LHX9: variants seen among roughly 807,000 people sequenced by gnomAD.
LHX9 encodes the protein LIM homeobox 9.
LHX9 carries 9 observed loss-of-function variants against 36.5 expected under a neutral mutation model. The ratio of observed to expected loss-of-function variants is 0.25; its 90% CI spans 0.15 to 0.43. The LOEUF (loss-of-function observed/expected upper bound fraction) is 0.43, where lower values mean the gene tolerates loss of function less well. Ranked by LOEUF, LHX9 falls within the 20% of genes least tolerant of loss-of-function variation. The pLI is 1.00. For missense variants in LHX9, 464 were observed against 526.4 expected, an observed-to-expected ratio of 0.88 and a Z score of 1.16; for synonymous variants, 211 against 212.1, an observed-to-expected ratio of 0.99 and a Z score of 0.04.
At chr1:197,927,832 T>C (rs1660191848) in intron 4 of LHX9, 39 bp downstream of exon 4, 1 of 1,547,242 alleles carries the variant, frequency 6.5e-7, no homozygotes, top group Non-Finnish European at 8.9e-7. Flanking sequence ...TACATTTCCC[T>C]TCCCCTTCCC....
Position 197,933,365 on chromosome 1 carries a change from C to T in LHX9, c.*4106C>T, listed in dbSNP as rs1660372972. The T allele has an allele frequency of 1.3e-5, 2 of 152,030 alleles. No individual in the cohort carries two copies. Among genetic ancestry groups the T allele is most frequent in the East Asian group, 1.9e-4 (1 of 5,188 alleles). 9.4% of individuals were successfully genotyped at this position (152,030 alleles called of 1,614,324 possible). A position where few individuals can be genotyped will look rare whatever the true frequency, so the allele number is the denominator to read the frequency against. On this transcript the variant is annotated 3_prime_UTR_variant, in exon 5 of 5. Transcript: ENST00000367387. ...ATTTTAAAGAAGAGAGAGCAACTTA[C>T]TAATAAAAAAAAGCAATGCACCATG...
Position 197,931,809 on chromosome 1 carries a change from G to T in LHX9, c.*2550G>T. On this transcript the variant is annotated 3_prime_UTR_variant, in exon 5 of 5. Coordinates refer to ENST00000367387, the MANE Select transcript of LHX9 (RefSeq NM_020204.3). Reference sequence around the variant, plus strand: ...ACCTTAAATATGATTAAGATTTCATGTTAGGTCTATTGAGCACAAATGGAT... The same window carrying T: ...ACCTTAAATATGATTAAGATTTCATTTTAGGTCTATTGAGCACAAATGGAT... 1.5e-6 allele frequency: 1 copy of T among 669,726 alleles called. No homozygotes were observed. 41.5% of individuals were successfully genotyped at this position (669,726 alleles called of 1,614,324 possible). A position where few individuals can be genotyped will look rare whatever the true frequency, so the allele number is the denominator to read the frequency against.
upstream of LHX9, among the ~76,000 whole-genome samples, chr1:197,914,123 C>T (rs1557968746): frequency 6.6e-6 from 1 of 152,186 alleles, no homozygotes; most frequent in Non-Finnish European, 1.5e-5. Flanking sequence ...CTAAAAGCGG[C>T]AACAGTAGCG....
chr1:197,917,291 GGA>G, upstream of LHX9: 6 of 1,230,080 alleles, frequency 4.9e-6, no homozygotes, highest in Non-Finnish European at 6.2e-6. Flanking sequence ...GCAGCTCCGG[GGA>G]GAGAACTCCT....
In LHX9 at chr1:197,920,235, G is replaced by A. The variant is rs529896127; in HGVS notation, c.377+61G>A. 1,041 of 1,519,102 alleles carry A rather than the reference G, an allele frequency of 6.9e-4. 4 individuals are homozygous for A. Among genetic ancestry groups the A allele is most frequent in the Non-Finnish European group, 3.6e-4 (393 of 1,096,894 alleles). The allele number at this position is 1,519,102 out of a possible 1,614,324, so 94.1% of individuals were successfully genotyped here. ...ACACCTGGAGGGGCCATCTGCCTGA[G>A]CCCGGAATCCCCTCTCCGTCCCCTA... On this transcript the variant is annotated intron_variant, in intron 2 of 4. Transcript: ENST00000367387.
intron 3 of LHX9, among the ~76,000 whole-genome samples, chr1:197,923,285 G>C (rs886647831): frequency 6.6e-6 from 1 of 152,246 alleles, no homozygotes; most frequent in Non-Finnish European, 1.5e-5. Flanking sequence ...GAAGCCCCGG[G>C]TTTTGGCAAC....
Position 197,919,999 on chromosome 1 carries a change from C to A in LHX9, c.202C>A (p.Pro68Thr). The A allele has an allele frequency of 6.2e-7, 1 of 1,614,200 alleles. No individual in the cohort carries two copies. Among genetic ancestry groups the A allele is most frequent in the Non-Finnish European group, 8.5e-7 (1 of 1,180,050 alleles). ...AGMPPLSPEKPALCAGCGGKI... is the reference protein window; with the variant it reads ...AGMPPLSPEKTALCAGCGGKI... ...CATGCCCCCGCTCAGCCCGGAGAAGCCCGCCCTGTGCGCCGGCTGCGGGGG... is the reference window on the plus strand; with the variant it reads ...CATGCCCCCGCTCAGCCCGGAGAAGACCGCCCTGTGCGCCGGCTGCGGGGG... Residue 68 changes from proline to threonine, a missense_variant, in exon 2 of 5, where the codon CCC becomes ACC. Pro to Thr is a conservative substitution (Grantham distance 38). This residue lies in a region of LHX9 where 119 missense variants were observed against 102.4 expected (regional missense o/e 1.16). Transcript: ENST00000367387.
chr1:197,920,006 T>G lies in LHX9; in HGVS notation c.209T>G (p.Leu70Arg), dbSNP rs771603341. 1 of 1,614,218 alleles carries G rather than the reference T, an allele frequency of 6.2e-7. No homozygotes were observed. The highest frequency in any genetic ancestry group is 8.5e-7 in the Non-Finnish European group (1 of 1,180,042). ...CCGCTCAGCCCGGAGAAGCCCGCCC[T>G]GTGCGCCGGCTGCGGGGGCAAGATC... Reference protein sequence around the residue: ...MPPLSPEKPALCAGCGGKISD... With the variant: ...MPPLSPEKPARCAGCGGKISD... The change falls in exon 2 of 5, where the codon CTG becomes CGG. Residue 70 changes from leucine to arginine, a missense_variant. Leu to Arg is a moderately radical substitution (Grantham distance 102, BLOSUM62 -2). Around this residue, in one of 5 missense-constraint regions of LHX9, gnomAD observed 119 missense variants for 102.4 expected, o/e 1.16. Coordinates refer to ENST00000367387, the MANE Select transcript of LHX9 (RefSeq NM_020204.3).
At chr1:197,914,232 A>G (rs1490199482), upstream of LHX9, among the ~76,000 whole-genome samples, 1 of 152,200 alleles carries the variant, frequency 6.6e-6, no homozygotes, top group African/African-American at 2.4e-5. Context: ...CTGCCCCATT[A>G]TACCTGGTAG....
At chr1:197,927,317 A>T (rs1660173793) in intron 3 of LHX9, among the ~76,000 whole-genome samples, 2 of 152,236 alleles carry the variant, frequency 1.3e-5, no homozygotes, top group African/African-American at 4.8e-5. Flanking sequence ...GTTTGTTCAT[A>T]TTCTCAAATT....
At position 197,918,450 on chromosome 1, in the gene LHX9, G is replaced by A; in HGVS notation, c.174+453G>A. The A allele has an allele frequency of 4.2e-6, 3 of 707,870 alleles. No homozygotes were observed. The South Asian group carries it at 4.5e-5, about 11-fold the overall frequency. 43.8% of individuals were successfully genotyped at this position (707,870 alleles called of 1,614,324 possible). ...GTCTCTGGGCCTGATGACCGGACCT[G>A]TGGAGTAGATTCCGACGCGACTGGG... On this transcript the variant is annotated intron_variant, in intron 1 of 4. Transcript: ENST00000367387.
upstream of LHX9, chr1:197,916,625 C>T (rs1659764497): frequency 5.7e-6 from 4 of 702,712 alleles, no homozygotes. Context: ...TGCCCTGTCC[C>T]CTACACTCTA....
chr1:197,921,427 T>C lies in LHX9; in HGVS notation c.501T>C (p.Thr167=). Residue 167 remains threonine, a synonymous_variant, in exon 3 of 5, where the codon ACT becomes ACC. Transcript: ENST00000367387. This position sits in a 1 kb window ranked among gnomAD's most constrained non-coding sequence, Gnocchi z 4.6. The part of the protein sequence containing the change: ...SCFTCSTCNK[T]LTTGDHFGMK... ...TCACCTGCTCCACTTGCAACAAGAC[T>C]CTGACCACGGGCGACCATTTCGGCA... is the stretch of plus-strand genomic sequence containing the variant. 1.2e-6 allele frequency: 2 copies of C among 1,614,188 alleles called. No individual in the cohort carries two copies. Among genetic ancestry groups the C allele is most frequent in the Non-Finnish European group, 1.7e-6 (2 of 1,180,044 alleles).
At position 197,934,660 on chromosome 1, in the gene LHX9, T is replaced by C. The variant is rs1010609128; in HGVS notation, c.*5401T>C. 5 of 152,140 alleles carry C rather than the reference T, an allele frequency of 3.3e-5. No individual in the cohort carries two copies. Among genetic ancestry groups the C allele is most frequent in the African/African-American group, 1.2e-4 (5 of 41,454 alleles). The allele number at this position is 152,140 out of a possible 1,614,324, so 9.4% of individuals were successfully genotyped here. The stretch of plus-strand genomic sequence containing the variant: ...AGCATATATATAGATAAACTCTGGA[T>C]TGGTCTTTTAGATCTGTTTTCTGTT... On this transcript the variant is annotated 3_prime_UTR_variant, in exon 5 of 5. Transcript: ENST00000367387.
chr1:197,916,806 G>T (rs1020784113), upstream of LHX9: 3 of 702,782 alleles, frequency 4.3e-6, no homozygotes, highest in African/African-American at 1.7e-5. Context: ...GATTGAGGAA[G>T]ATGGGATGGG....
rs1358408174 is a variant in LHX9, at chr1:197,931,386, A to G, written c.*2127A>G. 1 of 152,140 alleles carries G rather than the reference A, an allele frequency of 6.6e-6. No homozygotes were observed. Among genetic ancestry groups the G allele is most frequent in the Non-Finnish European group, 1.5e-5 (1 of 67,928 alleles). The allele number at this position is 152,140 out of a possible 1,614,324, so 9.4% of individuals were successfully genotyped here. ...CTTTGTTTATTGATAAATGCATTGTATAGAAACTATTTCCCCTAAATATTT... is the reference window on the plus strand; with the variant it reads ...CTTTGTTTATTGATAAATGCATTGTGTAGAAACTATTTCCCCTAAATATTT... On this transcript the variant is annotated 3_prime_UTR_variant, in exon 5 of 5. Transcript: ENST00000367387.
At chr1:197,920,764 T>C (rs1342488455) in intron 2 of LHX9, among the ~76,000 whole-genome samples, 1 of 152,156 alleles carries the variant, frequency 6.6e-6, no homozygotes, top group Non-Finnish European at 1.5e-5. Flanking sequence ...TGTTTCTGGA[T>C]TGGGAAAGAC....
chr1:197,916,364 T>C (rs2102589584), upstream of LHX9: 2 of 354,752 alleles, frequency 5.6e-6, no homozygotes, highest in East Asian at 1.1e-4. Flanking sequence ...CCCTTCTGAG[T>C]GTGCGGGTGC....
At chr1:197,924,022 A>G (rs6699938) in intron 3 of LHX9, among the ~76,000 whole-genome samples, 55,070 of 152,012 alleles carry the variant, frequency 0.36, 12,713 homozygotes, top group Non-Finnish European at 0.52. Flanking sequence ...ATATATTTTA[A>G]AGATCAGGTT....
Sources: allele counts gnomAD v4.1 joint callset (sites outside exome capture counted in the v4.1 genomes callset), GRCh38; gene constraint gnomAD v4.1.1; regional missense constraint gnomAD v4.1.1; non-coding constraint Gnocchi (gnomAD v3.1); transcripts MANE v1.5; gene names NCBI Gene and HGNC (gene_info 2026-07-23, HGNC 2026-07-21).